Variants in NBAS observed in about 807,000 individuals in gnomAD.
NBAS encodes the protein NBAS subunit of NRZ tethering complex.
A neutral mutation model predicts 302.5 loss-of-function variants in NBAS; 219 were observed. The observed-to-expected ratio is 0.72, with a 90% CI of 0.65 to 0.81. The LOEUF (loss-of-function observed/expected upper bound fraction) is 0.81, where lower values mean the gene tolerates loss of function less well. Ranked by LOEUF, NBAS falls within the 30% of genes least tolerant of loss-of-function variation. NBAS has a pLI of 0.00. For missense variants in NBAS, 2,932 were observed against 2,841.6 expected (o/e 1.03, Z -0.72); for synonymous variants, 1,118 against 1,021.6 (o/e 1.09, Z -1.80).
chr2:15,448,698 T>C (rs943852220), intron 21 of NBAS, among the ~76,000 whole-genome samples: 1 of 152,190 alleles, frequency 6.6e-6, no homozygotes, highest in Non-Finnish European at 1.5e-5. Context: ...AGGACAAAAC[T>C]TTTCTTAAAA....
At chr2:15,196,286 C>A (rs1665615857) in intron 48 of NBAS, among the ~76,000 whole-genome samples, 2 of 152,100 alleles carry the variant, frequency 1.3e-5, no homozygotes, top group African/African-American at 4.8e-5. Flanking sequence ...AACTGCATAG[C>A]ACTAAATACA....
chr2:15,269,258 A>G (rs1669210502), intron 44 of NBAS, among the ~76,000 whole-genome samples: 2 of 152,210 alleles, frequency 1.3e-5, no homozygotes, highest in South Asian at 4.1e-4. Context: ...CTGCCAGAGG[A>G]GGCAGTATGG....
At chr2:14,916,379 C>T in the NBAS span, among the ~76,000 whole-genome samples, 1 of 152,296 alleles carries the variant, frequency 6.6e-6, no homozygotes, top group East Asian at 1.9e-4. Context: ...CAAGAACATT[C>T]TGTGAATTTT....
At chr2:14,884,254 C>T in the NBAS span, among the ~76,000 whole-genome samples, 1 of 152,056 alleles carries the variant, frequency 6.6e-6, no homozygotes, top group Non-Finnish European at 1.5e-5. Context: ...AACATGAAGC[C>T]AGAATGCAAA....
At chr2:15,159,490 C>T in the NBAS span, among the ~76,000 whole-genome samples, 1 of 152,046 alleles carries the variant, frequency 6.6e-6, no homozygotes, top group Non-Finnish European at 1.5e-5. Flanking sequence ...GAGAACACTG[C>T]TAAGTGAAAT....
At chr2:15,061,914 T>C in the NBAS span, among the ~76,000 whole-genome samples, 2 of 152,154 alleles carry the variant, frequency 1.3e-5, no homozygotes, top group Non-Finnish European at 2.9e-5. Flanking sequence ...AGTATGTACA[T>C]GTCAGGAGAG....
intron 48 of NBAS, among the ~76,000 whole-genome samples, chr2:15,199,126 CAA>C (rs71400641): frequency 8.0e-5 from 6 of 75,274 alleles, no homozygotes; most frequent in Admixed American, 1.5e-4. Flanking sequence ...GACTCCATCT[CAA>C]AAAAAAAAAA....
chr2:15,117,637 G>C, the NBAS span, among the ~76,000 whole-genome samples: 2 of 152,214 alleles, frequency 1.3e-5, no homozygotes, highest in Admixed American at 6.5e-5. Flanking sequence ...ATGCAGATGA[G>C]CTGATACACT....
intron 13 of NBAS, 95 bp from the exon 14 acceptor site, chr2:15,475,975 A>G (rs1310400602): frequency 1.1e-5 from 11 of 1,004,470 alleles, no homozygotes; most frequent in African/African-American, 1.6e-5. Flanking sequence ...AACAAAATTT[A>G]TCTACATTAT....
intron 48 of NBAS, among the ~76,000 whole-genome samples, chr2:15,194,259 C>A (rs1665504468): frequency 6.6e-6 from 1 of 151,994 alleles, no homozygotes. Context: ...CAAGTTACAC[C>A]ATAATTTGAA....
intron 32 of NBAS, among the ~76,000 whole-genome samples, chr2:15,359,653 C>G (rs933481107): frequency 6.6e-6 from 1 of 151,916 alleles, no homozygotes; most frequent in African/African-American, 2.4e-5. Context: ...TTACTTTTCA[C>G]TCTCTTTAAA....
intron 48 of NBAS, among the ~76,000 whole-genome samples, chr2:15,196,072 C>T (rs114385189): frequency 0.032 from 4,867 of 152,266 alleles, 108 homozygotes; most frequent in Non-Finnish European, 0.051. Context: ...AATGTACTTT[C>T]GTTCCTTTCA....
chr2:15,555,705 C>T (rs1379986141), intron 3 of NBAS, among the ~76,000 whole-genome samples: 1 of 152,056 alleles, frequency 6.6e-6, no homozygotes, highest in Non-Finnish European at 1.5e-5. Flanking sequence ...CATTTGCAAC[C>T]TGTACAATGA....
At chr2:15,061,037 AAAGAG>A in the NBAS span, among the ~76,000 whole-genome samples, 160 of 152,356 alleles carry the variant, frequency 1.1e-3, no homozygotes, top group African/African-American at 3.8e-3. Context: ...AAATAAAAAC[AAAGAG>A]AAGCCTTAAG....
chr2:15,553,871 CCTCTCTCTCTCCCTCT>C (rs1394099412), intron 4 of NBAS, among the ~76,000 whole-genome samples, 174 bp downstream of exon 4: 1 of 33,744 alleles, frequency 3.0e-5, no homozygotes, highest in Non-Finnish European at 1.5e-4. Flanking sequence ...TCCCTCTCTC[CCTCTCTCTCTCCCTCT>C]CTCTCTTTCC....
At chr2:15,218,697 G>C (rs1023563040) in intron 48 of NBAS, 76 bp downstream of exon 48, 1 of 1,593,018 alleles carries the variant, frequency 6.3e-7, no homozygotes, top group African/African-American at 1.3e-5. Flanking sequence ...CACAATGCTG[G>C]GATTACAGGC....
the NBAS span, among the ~76,000 whole-genome samples, chr2:15,038,112 CTTTTTT>C: frequency 8.4e-6 from 1 of 118,544 alleles, no homozygotes; most frequent in Non-Finnish European, 1.7e-5. Flanking sequence ...TGACTTTATT[CTTTTTT>C]TTTTTTTTTT....
chr2:15,142,380 G>A, the NBAS span, among the ~76,000 whole-genome samples: 2 of 152,224 alleles, frequency 1.3e-5, no homozygotes, highest in Non-Finnish European at 2.9e-5. Flanking sequence ...GGAGGCATGT[G>A]CATTTCTCAG....
At position 15,356,598 on chromosome 2, in the gene NBAS, A is replaced by G. The variant is rs3731998; in HGVS notation, c.3818-182T>C. Among the ~76,000 whole-genome samples the G allele has an allele frequency of 0.03, 4,614 of 152,294 alleles. 177 individuals are homozygous for G. The highest frequency in any genetic ancestry group is 0.087 in the African/African-American group (3,628 of 41,560). Reference sequence around the variant, plus strand: ...CCACTTATGAAGCATGGAATTAGCCATCAGTCTCCTAAGAGATCAATGATT... The same window carrying G: ...CCACTTATGAAGCATGGAATTAGCCGTCAGTCTCCTAAGAGATCAATGATT... On this transcript the variant is annotated intron_variant, in intron 32 of 51. Coordinates refer to ENST00000281513, the MANE Select transcript of NBAS (RefSeq NM_015909.4).
Sources: allele counts gnomAD v4.1 joint callset (sites outside exome capture counted in the v4.1 genomes callset), GRCh38; gene constraint gnomAD v4.1.1; transcripts MANE v1.5; gene names NCBI Gene and HGNC (gene_info 2026-07-23, HGNC 2026-07-21).